The following TMEM132D variants were observed in gnomAD, a reference collection of about 807,000 sequenced individuals.
The protein encoded by TMEM132D is mature OL transmembrane protein.
TMEM132D carries 21 observed loss-of-function variants against 62.3 expected under a neutral mutation model. The ratio of observed to expected loss-of-function variants is 0.34; its 90% CI spans 0.24 to 0.49. TMEM132D has a LOEUF of 0.49. TMEM132D is among the 20% of genes least tolerant of loss of function. The probability of loss-of-function intolerance (pLI) is 0.99; values close to 1 mark genes in which losing one functional copy is unlikely to be tolerated. For synonymous variants in TMEM132D, 621 were observed against 575.6 expected (o/e 1.08, Z -1.13); for missense variants, 1,346 against 1,402.8 (o/e 0.96, Z 0.65).
chr12:129,215,937 A>T (rs1165538395), intron 4 of TMEM132D, among the ~76,000 whole-genome samples: 1 of 152,170 alleles, frequency 6.6e-6, no homozygotes, highest in African/African-American at 2.4e-5. Flanking sequence ...CCATGAGAAC[A>T]GTGTGGGGGA....
Position 129,277,210 on chromosome 12 carries a change from A to AT in TMEM132D, c.1299+60423dup, listed in dbSNP as rs1881027362. Among the ~76,000 whole-genome samples the AT allele has an allele frequency of 6.6e-6, 1 of 152,086 alleles. No individual in the cohort carries two copies. Among genetic ancestry groups the AT allele is most frequent in the Admixed American group, 6.6e-5 (1 of 15,266 alleles). On this transcript the variant is annotated intron_variant, in intron 4 of 8. Coordinates refer to ENST00000422113, the MANE Select transcript of TMEM132D (RefSeq NM_133448.3). This position sits in a 1 kb window ranked among gnomAD's most constrained non-coding sequence, Gnocchi z 4.2. ...AAGCCTGGCTTTTTCCTTTTCTTTT[A>AT]TTTTTTCTCACTAAAGATATTTGTG...
chr12:129,367,397 C>A (rs901222182), intron 3 of TMEM132D, among the ~76,000 whole-genome samples: 9 of 152,112 alleles, frequency 5.9e-5, no homozygotes, highest in African/African-American at 1.7e-4. Flanking sequence ...TGGATCCTTT[C>A]CTTTAGGGAA....
chr12:129,707,406 A>C (rs376880229), intron 1 of TMEM132D, among the ~76,000 whole-genome samples: 2 of 151,998 alleles, frequency 1.3e-5, no homozygotes, highest in Non-Finnish European at 2.9e-5. Context: ...AGGGAAAGAA[A>C]AAGCTTGTGT....
At chr12:129,695,106 A>C (rs1314820572) in intron 2 of TMEM132D, among the ~76,000 whole-genome samples, 1 of 152,244 alleles carries the variant, frequency 6.6e-6, no homozygotes, top group Non-Finnish European at 1.5e-5. Flanking sequence ...CCTGATTCAC[A>C]AATCATTCAT....
At chr12:129,863,417 C>T (rs1873959844) in intron 1 of TMEM132D, among the ~76,000 whole-genome samples, 1 of 152,142 alleles carries the variant, frequency 6.6e-6, no homozygotes, top group African/African-American at 2.4e-5. Context: ...ATTAACACGG[C>T]GAGTCTGGTA....
At chr12:129,890,914 C>T (rs1404102410) in intron 1 of TMEM132D, among the ~76,000 whole-genome samples, 3 of 152,146 alleles carry the variant, frequency 2.0e-5, no homozygotes, top group South Asian at 2.1e-4. Flanking sequence ...GATCCTAGGA[C>T]GGAACGTGAA....
At chr12:129,174,034 G>A (rs367892209) in intron 5 of TMEM132D, among the ~76,000 whole-genome samples, 5 of 152,184 alleles carry the variant, frequency 3.3e-5, no homozygotes, top group South Asian at 4.1e-4. Context: ...CAGAACAAAC[G>A]TAGCCTGGTT....
chr12:129,207,151 C>T (rs561335855), intron 5 of TMEM132D, among the ~76,000 whole-genome samples: 6 of 152,066 alleles, frequency 3.9e-5, no homozygotes, highest in Admixed American at 2.0e-4. Flanking sequence ...CAAAAAACCC[C>T]CCACTACTGT....
At chr12:129,405,565 A>C (rs3900825) in intron 3 of TMEM132D, among the ~76,000 whole-genome samples, 63,111 of 151,944 alleles carry the variant, frequency 0.42, 13,505 homozygotes, top group Non-Finnish European at 0.47. Context: ...GAGTGGCCCC[A>C]CTGCAGGTGC....
At chr12:129,367,481 G>T (rs1024844086) in intron 3 of TMEM132D, among the ~76,000 whole-genome samples, 1 of 152,058 alleles carries the variant, frequency 6.6e-6, no homozygotes, top group African/African-American at 2.4e-5. Flanking sequence ...GACCCAGGTT[G>T]TCCCAAAGAC....
At chr12:129,451,415 T>C (rs1873283846) in intron 3 of TMEM132D, among the ~76,000 whole-genome samples, 1 of 152,156 alleles carries the variant, frequency 6.6e-6, no homozygotes, top group South Asian at 2.1e-4. Context: ...TTGCTGTATA[T>C]CTGGTTCCTG....
chr12:129,293,542 A>G (rs921599007), intron 4 of TMEM132D, among the ~76,000 whole-genome samples: 1 of 152,176 alleles, frequency 6.6e-6, no homozygotes, highest in African/African-American at 2.4e-5. Flanking sequence ...ATTATAATAT[A>G]CAATGAAATA....
intron 1 of TMEM132D, among the ~76,000 whole-genome samples, chr12:129,863,030 T>G (rs769544369): frequency 4.1e-4 from 63 of 152,166 alleles, no homozygotes; most frequent in Admixed American, 8.5e-4. Context: ...AGGCCATTCA[T>G]CAATTCATTC....
chr12:129,130,717 G>C (rs1876351424), intron 5 of TMEM132D, among the ~76,000 whole-genome samples: 1 of 152,140 alleles, frequency 6.6e-6, no homozygotes, highest in South Asian at 2.1e-4. Context: ...AGACAGGGTG[G>C]TCAGGGGAGG....
At chr12:129,484,398 A>T (rs1353198077) in intron 3 of TMEM132D, among the ~76,000 whole-genome samples, 1 of 152,236 alleles carries the variant, frequency 6.6e-6, no homozygotes, top group Non-Finnish European at 1.5e-5. Context: ...TAGGCACACA[A>T]TAGAGTAATT....
At chr12:129,175,651 C>T (rs1480705477) in intron 5 of TMEM132D, among the ~76,000 whole-genome samples, 5 of 152,054 alleles carry the variant, frequency 3.3e-5, no homozygotes, top group Admixed American at 3.3e-4. Flanking sequence ...GAAGTTGCAG[C>T]GAGCCAAGAT....
chr12:129,431,187 C>T (rs1481693836), intron 3 of TMEM132D, among the ~76,000 whole-genome samples: 2 of 152,192 alleles, frequency 1.3e-5, no homozygotes, highest in Non-Finnish European at 2.9e-5. Flanking sequence ...TGAGGTAGCT[C>T]CTGCCATTAT....
intron 1 of TMEM132D, among the ~76,000 whole-genome samples, chr12:129,780,789 GA>G (rs1262708993): frequency 6.6e-6 from 1 of 152,154 alleles, no homozygotes; most frequent in East Asian, 1.9e-4. Context: ...TCATTAAATT[GA>G]AGAGAAAATT....
chr12:129,555,856 A>AT (rs1470893648), intron 2 of TMEM132D, among the ~76,000 whole-genome samples: 2 of 152,226 alleles, frequency 1.3e-5, no homozygotes, highest in Non-Finnish European at 2.9e-5. Flanking sequence ...TCAACCTAAT[A>AT]TTTAAGTACA....
Sources: allele counts gnomAD v4.1 joint callset (sites outside exome capture counted in the v4.1 genomes callset), GRCh38; gene constraint gnomAD v4.1.1; non-coding constraint Gnocchi (gnomAD v3.1); transcripts MANE v1.5; gene names NCBI Gene and HGNC (gene_info 2026-07-23, HGNC 2026-07-21).